NPR3: variants seen among roughly 807,000 people sequenced by gnomAD.
The protein encoded by NPR3 is atrial natriuretic peptide receptor 3.
NPR3 carries 34 observed loss-of-function variants against 54.5 expected under a neutral mutation model. The ratio of observed to expected loss-of-function variants is 0.62; its 90% CI spans 0.47 to 0.83. NPR3 has a LOEUF of 0.83. Ranked by LOEUF, NPR3 falls within the 40% of genes least tolerant of loss-of-function variation. NPR3 has a pLI of 0.00. For synonymous variants in NPR3, 289 were observed against 297.1 expected, an observed-to-expected ratio of 0.97 and a Z score of 0.28; for missense variants, 674 against 720.8, an observed-to-expected ratio of 0.94 and a Z score of 0.74.
intron 6 of NPR3, chr5:32,783,255 T>C (rs964302373): frequency 1.4e-5 from 6 of 429,070 alleles, no homozygotes; most frequent in Non-Finnish European, 2.4e-5. Flanking sequence ...TATTTTTACA[T>C]CTCTTACTAT....
intron 4 of NPR3, among the ~76,000 whole-genome samples, chr5:32,775,651 G>A (rs918560010): frequency 6.6e-6 from 1 of 152,018 alleles, no homozygotes; most frequent in South Asian, 2.1e-4. Flanking sequence ...AGGCTGGGAT[G>A]CAATGGAGCA....
At chr5:32,713,427 C>T (rs941031032) in intron 1 of NPR3, 1 of 985,330 alleles carries the variant, frequency 1.0e-6, no homozygotes, top group Non-Finnish European at 1.2e-6. Flanking sequence ...CAGTGTGGCC[C>T]ATTTTACGGT....
chr5:32,752,258 C>T (rs565488030), intron 3 of NPR3, among the ~76,000 whole-genome samples: 43 of 151,158 alleles, frequency 2.8e-4, no homozygotes, highest in African/African-American at 7.8e-4. Context: ...AACAGAAAAC[C>T]AACTTGGATT....
In NPR3 at chr5:32,786,749, T is replaced by G. The variant is rs760738027; in HGVS notation, c.*404T>G. ...AATCATTTTTACAAGTACAGCATTC[T>G]TGGAAAGAATTTAACACCCAAAAAG... On this transcript the variant is annotated 3_prime_UTR_variant, in exon 8 of 8. Transcript: ENST00000265074. 1.6e-4 allele frequency: 29 copies of G among 183,084 alleles called. No homozygotes were observed. The highest frequency in any genetic ancestry group is 9.8e-4 in the South Asian group (8 of 8,144). The allele number at this position is 183,084 out of a possible 1,614,324, so 11.3% of individuals were successfully genotyped here. A position where few individuals can be genotyped will look rare whatever the true frequency, so the allele number is the denominator to read the frequency against.
chr5:32,761,073 T>C (rs553847644), intron 3 of NPR3, among the ~76,000 whole-genome samples: 1 of 152,310 alleles, frequency 6.6e-6, no homozygotes, highest in South Asian at 2.1e-4. Flanking sequence ...TGTAGCTTTG[T>C]AGCAAATATT....
At chr5:32,779,314 T>C (rs1401595566) in intron 4 of NPR3, among the ~76,000 whole-genome samples, 2 of 152,198 alleles carry the variant, frequency 1.3e-5, no homozygotes, top group African/African-American at 4.8e-5. Context: ...GGAATAGCTT[T>C]AGTTAATTAA....
intron 2 of NPR3, among the ~76,000 whole-genome samples, chr5:32,733,141 G>A (rs1036863465): frequency 3.9e-5 from 6 of 151,962 alleles, no homozygotes; most frequent in Admixed American, 1.3e-4. Flanking sequence ...CACCGTGCCC[G>A]GCCAAGGCAT....
intron 1 of NPR3, among the ~76,000 whole-genome samples, chr5:32,703,601 C>T (rs1203772815): frequency 6.6e-6 from 1 of 152,146 alleles, no homozygotes; most frequent in Non-Finnish European, 1.5e-5. Context: ...TCCTTCCCTT[C>T]AAGGCAGCAG....
At position 32,738,702 on chromosome 5, in the gene NPR3, G is replaced by A. The variant is rs1644761; in HGVS notation, c.893-162G>A. ...CCAAAGGGCCTTCTTCTCCTTTAAT[G>A]GTCTTGACGTTGTCCCATCATACCT... On this transcript the variant is annotated intron_variant, in intron 2 of 7. Transcript: ENST00000265074. 6.2e-3 allele frequency among the ~76,000 whole-genome samples: 946 copies of A among 152,250 alleles called. 9 individuals carry two copies. The highest frequency in any genetic ancestry group is 0.022 in the African/African-American group (911 of 41,552).
chr5:32,734,766 G>A (rs1241790320), intron 2 of NPR3, among the ~76,000 whole-genome samples: 1 of 152,218 alleles, frequency 6.6e-6, no homozygotes, highest in African/African-American at 2.4e-5. Context: ...AATATGACAA[G>A]TGTGACTGAA....
intron 1 of NPR3, among the ~76,000 whole-genome samples, chr5:32,700,405 T>C (rs1740637366): frequency 6.6e-6 from 1 of 152,194 alleles, no homozygotes; most frequent in South Asian, 2.1e-4. Flanking sequence ...TTTTTCTTTT[T>C]TTTCATTATA....
chr5:32,784,888 G>A lies in NPR3; in HGVS notation c.1514+5G>A. On this transcript the variant is annotated splice_donor_5th_base_variant and intron_variant, in intron 7 of 7. Coordinates refer to ENST00000265074, the MANE Select transcript of NPR3 (RefSeq NM_001204375.2). ...AATGGCCTTCTACTTTTTCAGGTGA[G>A]GACGGTTTGTAAAGGTACAATTCAC... 6.2e-7 allele frequency: 1 copy of A among 1,606,744 alleles called. No homozygotes were observed. Among genetic ancestry groups the A allele is most frequent in the Non-Finnish European group, 8.5e-7 (1 of 1,173,422 alleles).
At chr5:32,765,351 C>A (rs11740580) in intron 3 of NPR3, among the ~76,000 whole-genome samples, 5,918 of 152,246 alleles carry the variant, frequency 0.039, 134 homozygotes, top group Non-Finnish European at 0.046. Context: ...TCACTTGGAA[C>A]CTATTTACCC....
In NPR3 at chr5:32,784,898, T is replaced by G; in HGVS notation, c.1514+15T>G. 10 of 1,581,016 alleles carry G rather than the reference T, an allele frequency of 6.3e-6. No individual in the cohort carries two copies. Among genetic ancestry groups the G allele is most frequent in the Non-Finnish European group, 8.7e-6 (10 of 1,149,934 alleles). On this transcript the variant is annotated intron_variant, in intron 7 of 7. Transcript: ENST00000265074. ...TACTTTTTCAGGTGAGGACGGTTTGTAAAGGTACAATTCACTCTCTTCTGC... is the reference window on the plus strand; with the variant it reads ...TACTTTTTCAGGTGAGGACGGTTTGGAAAGGTACAATTCACTCTCTTCTGC...
intron 3 of NPR3, among the ~76,000 whole-genome samples, chr5:32,740,082 T>C (rs1739962310): frequency 6.6e-6 from 1 of 152,216 alleles, no homozygotes; most frequent in South Asian, 2.1e-4. Flanking sequence ...GCATATGGCC[T>C]GGATAGTCTC....
chr5:32,722,936 T>C (rs182010399), intron 1 of NPR3, among the ~76,000 whole-genome samples: 2 of 152,340 alleles, frequency 1.3e-5, no homozygotes, highest in Non-Finnish European at 2.9e-5. Context: ...TGTACTGTTT[T>C]AAAAACTTTT....
chr5:32,724,782 C>G lies in NPR3; in HGVS notation c.854C>G (p.Ala285Gly), dbSNP rs1347317657. The G allele has an allele frequency of 3.1e-6, 5 of 1,613,902 alleles. No homozygotes were observed. In the East Asian group the frequency reaches 1.1e-4, roughly 36 times the overall value. ...HRHGMTSGDY[A>G]FFNIELFNSS... Reference sequence around the variant, plus strand: ...CATGGCATGACCAGTGGAGACTACGCCTTCTTCAACATTGAGCTCTTCAAC... The same window carrying G: ...CATGGCATGACCAGTGGAGACTACGGCTTCTTCAACATTGAGCTCTTCAAC... The change falls in exon 2 of 8, where the codon GCC becomes GGC. Residue 285 changes from alanine to glycine, a missense_variant. Transcript: ENST00000265074.
Position 32,790,931 on chromosome 5 carries a change from G to T in NPR3, c.*4586G>T, listed in dbSNP as rs1742876695. On this transcript the variant is annotated 3_prime_UTR_variant, in exon 8 of 8. Transcript: ENST00000265074. The stretch of plus-strand genomic sequence containing the variant: ...GTTAGCAAAAATGCTGCATTGCTTT[G>T]ATTCATGTTTAAAGACCTAAATTTC... 6.0e-6 allele frequency: 1 copy of T among 167,064 alleles called. No homozygotes were observed. Among genetic ancestry groups the T allele is most frequent in the Non-Finnish European group, 1.5e-5 (1 of 68,106 alleles). 10.3% of individuals were successfully genotyped at this position (167,064 alleles called of 1,614,324 possible). A position where few individuals can be genotyped will look rare whatever the true frequency, so the allele number is the denominator to read the frequency against.
At chr5:32,771,013 G>A (rs1579689847) in intron 3 of NPR3, among the ~76,000 whole-genome samples, 1 of 152,104 alleles carries the variant, frequency 6.6e-6, no homozygotes, top group East Asian at 1.9e-4. Context: ...AGCCTGGAGG[G>A]CCAATAGGAA....
Sources: gnomAD v4.1 joint callset for allele counts (sites outside exome capture counted in the v4.1 genomes callset) on GRCh38, gnomAD v4.1.1 for gene constraint, MANE v1.5 for transcripts, NCBI Gene and HGNC (gene_info 2026-07-23, HGNC 2026-07-21) for gene names.